USP2: variants seen among roughly 807,000 people sequenced by gnomAD.
USP2 encodes ubiquitin specific peptidase 2.
A neutral mutation model predicts 72.0 loss-of-function variants in USP2; 33 were observed. That is an observed-to-expected ratio of 0.46 (90% CI 0.35 to 0.61). The LOEUF is 0.61. Among genes scored for constraint, USP2 ranks in the 20% least tolerant of loss-of-function variants. The pLI, the probability that USP2 is intolerant of heterozygous loss-of-function variation, is 0.01. For synonymous variants in USP2, 296 were observed against 312.5 expected, an observed-to-expected ratio of 0.95 and a Z score of 0.56; for missense variants, 691 against 797.8, an observed-to-expected ratio of 0.87 and a Z score of 1.61.
At chr11:119,371,430 C>T (rs1950925659) in intron 2 of USP2, among the ~76,000 whole-genome samples, 1 of 152,172 alleles carries the variant, frequency 6.6e-6, no homozygotes. Context: ...CTTCTCCACT[C>T]CTTTCTACAG....
chr11:119,360,804 G>A lies in USP2; in HGVS notation c.775-570C>T, dbSNP rs921959376. Among the ~76,000 whole-genome samples the A allele has an allele frequency of 3.3e-5, 5 of 152,146 alleles. No homozygotes were observed. The East Asian group carries it at 7.7e-4, about 23-fold the overall frequency. ...GTGTGTATTGACTATGTATCTCCCT[G>A]CCCCCCATCTTTATGTTATTCTCTA... is the stretch of plus-strand genomic sequence containing the variant. On this transcript the variant is annotated intron_variant, in intron 2 of 12. Coordinates refer to ENST00000260187, the MANE Select transcript of USP2 (RefSeq NM_004205.5).
chr11:119,375,407 G>A (rs969969145), intron 1 of USP2, among the ~76,000 whole-genome samples: 12 of 152,200 alleles, frequency 7.9e-5, no homozygotes, highest in African/African-American at 2.9e-4. Context: ...CCATCTTACT[G>A]TCTAGCCTTT....
rs769701592 is a variant in USP2 at position 119,357,261 on chromosome 11, G to T, written c.1656C>A (p.Thr552=). 5.0e-6 allele frequency: 8 copies of T among 1,613,704 alleles called. No individual in the cohort carries two copies. The East Asian group carries it at 1.8e-4, about 36-fold the overall frequency. The change falls in exon 12 of 13, where the codon ACC becomes ACA. Residue 552 remains threonine, a synonymous_variant. Transcript: ENST00000260187. The part of the protein sequence containing the change: ...NLYAVSNHSG[T]TMGGHYTAYC... ...AGGCTGTATAGTGGCCACCCATGGTGGTTCCGGAGTGATTGGACACAGCGT... is the reference window on the plus strand; with the variant it reads ...AGGCTGTATAGTGGCCACCCATGGTTGTTCCGGAGTGATTGGACACAGCGT...
chr11:119,366,805 T>C (rs1466483180), intron 2 of USP2, among the ~76,000 whole-genome samples: 1 of 152,166 alleles, frequency 6.6e-6, no homozygotes, highest in Non-Finnish European at 1.5e-5. Context: ...TTGGCCTGTT[T>C]CCCCATGACT....
intron 3 of USP2, 69 bp downstream of exon 3, chr11:119,360,115 T>C (rs2135389797): frequency 1.9e-6 from 3 of 1,574,582 alleles, no homozygotes; most frequent in Non-Finnish European, 2.6e-6. Context: ...AAGGGGACTC[T>C]GGTTATATGG....
At chr11:119,376,099 G>C (rs1269261317) in intron 1 of USP2, 1 of 822,140 alleles carries the variant, frequency 1.2e-6, no homozygotes, top group African/African-American at 1.9e-5. Context: ...CCTGCGGAGA[G>C]GGTTCCTACT....
At chr11:119,368,612 A>AC (rs1157717646) in intron 2 of USP2, among the ~76,000 whole-genome samples, 1 of 152,216 alleles carries the variant, frequency 6.6e-6, no homozygotes, top group Non-Finnish European at 1.5e-5. Flanking sequence ...GGCAAATAGG[A>AC]CCCAGGTATT....
At chr11:119,381,424 C>A in intron 1 of USP2, 49 bp downstream of exon 1, 1 of 1,528,564 alleles carries the variant, frequency 6.5e-7, no homozygotes, top group Non-Finnish European at 8.8e-7. Context: ...TCCAAACCGG[C>A]ACTGATCCCC....
Position 119,356,059 on chromosome 11 carries a change from A to AC in USP2, c.*775_*776insG, listed in dbSNP as rs921129765. ...CCATTCAAAACATTAAAAAAAAAAA[A>AC]AAAAAACCCAAACCCCCAAAACAGA... On this transcript the variant is annotated 3_prime_UTR_variant, in exon 13 of 13. Coordinates refer to ENST00000260187, the MANE Select transcript of USP2 (RefSeq NM_004205.5). The AC allele has an allele frequency of 3.3e-5, 5 of 150,738 alleles. No homozygotes were observed. The highest frequency in any genetic ancestry group is 1.3e-4 in the Admixed American group (2 of 15,156). The allele number at this position is 150,738 out of a possible 1,614,324, so 9.3% of individuals were successfully genotyped here. A position where few individuals can be genotyped will look rare whatever the true frequency, so the allele number is the denominator to read the frequency against.
At position 119,357,543 on chromosome 11, in the gene USP2, T is replaced by A. The variant is rs1251835654; in HGVS notation, c.1549A>T (p.Thr517Ser). 1 of 1,614,180 alleles carries A rather than the reference T, an allele frequency of 6.2e-7. No individual in the cohort carries two copies. The highest frequency in any genetic ancestry group is 1.1e-5 in the South Asian group (1 of 91,084). ...TCTCTTAGGGGGAAGTTCACAAATGTTGTGAGCTTGCTGGTTCGGATCCTG... is the reference window on the plus strand; with the variant it reads ...TCTCTTAGGGGGAAGTTCACAAATGATGTGAGCTTGCTGGTTCGGATCCTG... Reference protein sequence around the residue: ...ESRIRTSKLTTFVNFPLRDLD... With the variant: ...ESRIRTSKLTSFVNFPLRDLD... Residue 517 changes from threonine to serine, a missense_variant, in exon 11 of 13, where the codon ACA (threonine) becomes TCA (serine). Transcript: ENST00000260187.
At position 119,372,316 on chromosome 11, in the gene USP2, C is replaced by T. The variant is rs142876394; in HGVS notation, c.774+391G>A. On this transcript the variant is annotated intron_variant, in intron 2 of 12. Transcript: ENST00000260187. ...GGAGATGCAACCACAGCAAGGAGGC[C>T]CTCCTGCCACAGGGTGCACTGGTGG... Among the ~76,000 whole-genome samples the T allele has an allele frequency of 2.4e-4, 36 of 152,338 alleles. No homozygotes were observed. The Middle Eastern group carries it at 0.017, about 72-fold the overall frequency.
intron 11 of USP2, 54 bp downstream of exon 11, chr11:119,357,429 C>G: frequency 6.2e-7 from 1 of 1,612,734 alleles, no homozygotes; most frequent in Non-Finnish European, 8.5e-7. Context: ...TGCCCTCCCT[C>G]CGGCCTTGCA....
intron 2 of USP2, among the ~76,000 whole-genome samples, chr11:119,361,568 T>TATGAGGCTGTCAGCAGCTCAAAGCCC: frequency 6.7e-6 from 1 of 149,552 alleles, no homozygotes; most frequent in African/African-American, 2.5e-5. Flanking sequence ...GCTGACAGCC[T>TATGAGGCTGTCAGCAGCTCAAAGCCC]ATGAGGCTGT....
chr11:119,359,751 C>T lies in USP2; in HGVS notation c.826-91G>A, dbSNP rs1297081816. On this transcript the variant is annotated intron_variant, in intron 3 of 12. Coordinates refer to ENST00000260187, the MANE Select transcript of USP2 (RefSeq NM_004205.5). ...ACCAGAGGCTCTCTGGTTCATCTAC[C>T]TAGAATCCTTTCATAGGAGGCTATC... The T allele has an allele frequency of 1.5e-5, 23 of 1,529,916 alleles. No homozygotes were observed. The East Asian group carries it at 5.2e-4, about 35-fold the overall frequency. The allele number at this position is 1,529,916 out of a possible 1,614,324, so 94.8% of individuals were successfully genotyped here. A position where few individuals can be genotyped will look rare whatever the true frequency, so the allele number is the denominator to read the frequency against.
At position 119,363,803 on chromosome 11, in the gene USP2, G is replaced by C. The variant is rs544815845; in HGVS notation, c.775-3569C>G. The C allele has an allele frequency of 2.1e-5, 29 of 1,351,360 alleles. No homozygotes were observed. The African/African-American group carries it at 4.2e-4, about 19-fold the overall frequency. 83.7% of individuals were successfully genotyped at this position (1,351,360 alleles called of 1,614,324 possible). On this transcript the variant is annotated intron_variant, in intron 2 of 12. Coordinates refer to ENST00000260187, the MANE Select transcript of USP2 (RefSeq NM_004205.5). ...CGGGCAGAGGCCAGGGAGAAGGCGG[G>C]ACCCCAGGCCCTCGGCGCGGGGGTC...
chr11:119,380,679 C>T (rs901847191), intron 1 of USP2: 11 of 154,320 alleles, frequency 7.1e-5, no homozygotes, highest in Middle Eastern at 6.1e-4. Flanking sequence ...TCAGAGGACG[C>T]CCTCATTCCA....
intron 3 of USP2, 53 bp from the exon 4 acceptor site, chr11:119,359,713 TG>T: frequency 6.3e-7 from 1 of 1,597,232 alleles, no homozygotes; most frequent in Non-Finnish European, 8.5e-7. Flanking sequence ...CACCTTCACC[TG>T]TGTTACTTAC....
chr11:119,367,030 A>C (rs1217730676), intron 2 of USP2, among the ~76,000 whole-genome samples: 1 of 152,228 alleles, frequency 6.6e-6, no homozygotes, highest in Non-Finnish European at 1.5e-5. Context: ...CGACTGCTGC[A>C]GGACACGGCC....
Position 119,357,167 on chromosome 11 carries a change from G to C in USP2, c.1730+20C>G. On this transcript the variant is annotated intron_variant, in intron 12 of 12. Transcript: ENST00000260187. ...GTGGGTGGCTACAGCCAGGGGCTCCGGCCCTGCCCTGGCTCTCACCTGGAG... is the reference window on the plus strand; with the variant it reads ...GTGGGTGGCTACAGCCAGGGGCTCCCGCCCTGCCCTGGCTCTCACCTGGAG... 6.2e-7 allele frequency: 1 copy of C among 1,612,752 alleles called. No individual in the cohort carries two copies. The highest frequency in any genetic ancestry group is 8.5e-7 in the Non-Finnish European group (1 of 1,179,696).
Sources: gnomAD v4.1 joint callset for allele counts (sites outside exome capture counted in the v4.1 genomes callset) on GRCh38, gnomAD v4.1.1 for gene constraint, MANE v1.5 for transcripts, NCBI Gene and HGNC (gene_info 2026-07-23, HGNC 2026-07-21) for gene names.